The following UBXN7 variants were observed in gnomAD, a reference collection of about 807,000 sequenced individuals.
UBXN7 encodes the protein UBX domain protein 7, also known as UBX domain-containing protein 7.
In UBXN7, 9 loss-of-function variants were observed where a neutral mutation model predicts 58.0. The observed-to-expected ratio is 0.16, with a 90% CI of 0.09 to 0.27. The LOEUF (loss-of-function observed/expected upper bound fraction) is 0.27. Among genes scored for constraint, UBXN7 ranks in the 10% least tolerant of loss-of-function variants. The pLI, the probability that UBXN7 is intolerant of heterozygous loss-of-function variation, is 1.00. For synonymous variants in UBXN7, 208 were observed against 205.0 expected, an observed-to-expected ratio of 1.01 and a Z score of -0.12; for missense variants, 328 against 599.6, an observed-to-expected ratio of 0.55 and a Z score of 4.73.
At chr3:196,411,672 G>A (rs892119904) in intron 1 of UBXN7, among the ~76,000 whole-genome samples, 7 of 152,132 alleles carry the variant, frequency 4.6e-5, no homozygotes, top group African/African-American at 1.7e-4. Flanking sequence ...TTAGCCGGAC[G>A]TGGTGGCAGG....
intron 2 of UBXN7, among the ~76,000 whole-genome samples, chr3:196,406,659 T>C: frequency 6.6e-6 from 1 of 151,972 alleles, no homozygotes; most frequent in East Asian, 2.0e-4. Context: ...TTGGTCAAGC[T>C]GGTCTCGACC....
intron 3 of UBXN7, among the ~76,000 whole-genome samples, chr3:196,398,699 T>C (rs547020743): frequency 6.6e-6 from 1 of 152,318 alleles, no homozygotes; most frequent in East Asian, 1.9e-4. Context: ...AGTGGTGCAA[T>C]CATGGCTCAT....
chr3:196,373,391 G>A (rs1728899251), intron 5 of UBXN7, among the ~76,000 whole-genome samples: 1 of 152,214 alleles, frequency 6.6e-6, no homozygotes, highest in Admixed American at 6.5e-5. Context: ...AAAGACCCAT[G>A]AAATGCTGCT....
At chr3:196,411,433 G>A (rs1017999818) in intron 1 of UBXN7, among the ~76,000 whole-genome samples, 2 of 152,206 alleles carry the variant, frequency 1.3e-5, no homozygotes, top group Non-Finnish European at 2.9e-5. Flanking sequence ...GTACAGTTAT[G>A]CTGTGGAAAT....
intron 8 of UBXN7, among the ~76,000 whole-genome samples, chr3:196,366,662 C>T (rs559021489): frequency 2.0e-5 from 3 of 152,000 alleles, no homozygotes; most frequent in South Asian, 4.2e-4. Flanking sequence ...GAGGCTGAGG[C>T]GGGAGGATTG....
rs1306788302 is a variant in UBXN7 at position 196,354,746 on chromosome 3, T to A, written c.*1939A>T. 1 of 152,080 alleles carries A rather than the reference T, an allele frequency of 6.6e-6. No homozygotes were observed. Among genetic ancestry groups the A allele is most frequent in the Non-Finnish European group, 1.5e-5 (1 of 68,022 alleles). 9.4% of individuals were successfully genotyped at this position (152,080 alleles called of 1,614,324 possible). On this transcript the variant is annotated 3_prime_UTR_variant, in exon 11 of 11. Coordinates refer to ENST00000296328, the MANE Select transcript of UBXN7 (RefSeq NM_015562.2). ...TCAGAAGCTGCTAGTTAAGTAAGCC[T>A]CAAGAACCTAAGAAAAAACACCAAA... is the stretch of plus-strand genomic sequence containing the variant.
intron 1 of UBXN7, among the ~76,000 whole-genome samples, chr3:196,429,010 TA>T (rs11401303): frequency 0.013 from 1,695 of 126,230 alleles, 37 homozygotes; most frequent in African/African-American, 0.043. Flanking sequence ...CTCCATCTCT[TA>T]AAAAAAAAAA....
At chr3:196,395,176 CAG>C (rs1240947766) in intron 3 of UBXN7, among the ~76,000 whole-genome samples, 1 of 152,164 alleles carries the variant, frequency 6.6e-6, no homozygotes, top group East Asian at 1.9e-4. Context: ...CAAGATTAGA[CAG>C]AGACTACAGA....
intron 5 of UBXN7, among the ~76,000 whole-genome samples, chr3:196,376,946 T>TTC (rs1729047373): frequency 6.6e-6 from 1 of 150,574 alleles, no homozygotes; most frequent in Non-Finnish European, 1.5e-5. Context: ...CCTGGGGGAC[T>TTC]AAGTTGGGCA....
At chr3:196,390,022 A>T (rs1729527964) in intron 5 of UBXN7, among the ~76,000 whole-genome samples, 1 of 152,106 alleles carries the variant, frequency 6.6e-6, no homozygotes. Context: ...ATTTGAGACC[A>T]GCCTGGGGAA....
At chr3:196,417,723 TTAAAAAAA>T (rs1730542494) in intron 1 of UBXN7, among the ~76,000 whole-genome samples, 3 of 78,414 alleles carry the variant, frequency 3.8e-5, no homozygotes, top group Admixed American at 1.6e-4. Flanking sequence ...GGCAAAATGG[TTAAAAAAA>T]AAAAAAAAAA....
chr3:196,395,340 CAT>C (rs1473419272), intron 3 of UBXN7, among the ~76,000 whole-genome samples: 4 of 152,166 alleles, frequency 2.6e-5, no homozygotes, highest in South Asian at 2.1e-4. Context: ...TTGTTTAAAA[CAT>C]ATATTCATAT....
At chr3:196,406,020 GTTTT>G (rs536744429) in intron 2 of UBXN7, among the ~76,000 whole-genome samples, 31 of 150,642 alleles carry the variant, frequency 2.1e-4, no homozygotes, top group African/African-American at 7.1e-4. Context: ...GGTTTTTTGT[GTTTT>G]TTTTGTTTTT....
intron 1 of UBXN7, among the ~76,000 whole-genome samples, chr3:196,419,269 G>A (rs1213173803): frequency 6.6e-6 from 1 of 151,674 alleles, no homozygotes; most frequent in African/African-American, 2.4e-5. Context: ...GGGCAACAGA[G>A]CAAGACCCTG....
chr3:196,390,227 A>G (rs959319093), intron 5 of UBXN7, among the ~76,000 whole-genome samples: 1 of 151,900 alleles, frequency 6.6e-6, no homozygotes, highest in Non-Finnish European at 1.5e-5. Context: ...TCAAAAAAAA[A>G]AGACAAAGAA....
At chr3:196,424,096 G>A (rs1306998014) in intron 1 of UBXN7, among the ~76,000 whole-genome samples, 1 of 151,760 alleles carries the variant, frequency 6.6e-6, no homozygotes, top group Non-Finnish European at 1.5e-5. Context: ...TCACCATATT[G>A]GCCAGGCTGG....
chr3:196,410,969 T>C (rs891475856), intron 1 of UBXN7, among the ~76,000 whole-genome samples: 1 of 152,228 alleles, frequency 6.6e-6, no homozygotes, highest in Non-Finnish European at 1.5e-5. Context: ...CAGTTTACTA[T>C]AGTCAAACTA....
intron 5 of UBXN7, among the ~76,000 whole-genome samples, chr3:196,386,159 A>G (rs936314432): frequency 1.3e-5 from 2 of 151,682 alleles, no homozygotes; most frequent in African/African-American, 4.9e-5. Flanking sequence ...GTGCTTTGTT[A>G]AACAGATGCT....
At chr3:196,391,761 T>C (rs1173033448) in intron 5 of UBXN7, 52 bp downstream of exon 5, 11 of 1,400,466 alleles carry the variant, frequency 7.9e-6, no homozygotes, top group East Asian at 2.3e-5. Flanking sequence ...AAAAAAGGCA[T>C]TGAAAATGCA....
Sources: gnomAD v4.1 joint callset for allele counts (sites outside exome capture counted in the v4.1 genomes callset) on GRCh38, gnomAD v4.1.1 for gene constraint, MANE v1.5 for transcripts, NCBI Gene and HGNC (gene_info 2026-07-23, HGNC 2026-07-21) for gene names.